Variants in C9orf43 observed in about 807,000 individuals in gnomAD.
C9orf43 encodes the protein uncharacterized protein C9orf43.
Under a neutral mutation model 59.1 loss-of-function variants are expected in C9orf43, and 45 were observed. That is an observed-to-expected ratio of 0.76 (90% confidence interval 0.60 to 0.98). The LOEUF (loss-of-function observed/expected upper bound fraction) is 0.98, where lower values mean the gene tolerates loss of function less well. Among genes scored for constraint, C9orf43 ranks in the 50% least tolerant of loss-of-function variants. C9orf43 has a pLI of 0.00. For missense variants in C9orf43, 533 were observed against 554.9 expected (o/e 0.96, Z 0.40); for synonymous variants, 203 against 196.8 (o/e 1.03, Z -0.26).
Position 113,410,953 on chromosome 9 carries a change from G to T in C9orf43, c.-98G>T, listed in dbSNP as rs1331146907. 1 of 986,228 alleles carries T rather than the reference G, an allele frequency of 1.0e-6. No individual in the cohort carries two copies. The highest frequency in any genetic ancestry group is 1.7e-5 in the African/African-American group (1 of 57,216). 61.1% of individuals were successfully genotyped at this position (986,228 alleles called of 1,614,324 possible). ...GCAGTCTTTTTCCATCTCTACCGAA[G>T]TTGATGTTCATTTTTAATCTTTTCG... On this transcript the variant is annotated 5_prime_UTR_variant, in exon 1 of 14. Transcript: ENST00000374165.
At position 113,425,054 on chromosome 9, in the gene C9orf43, A is replaced by C; in HGVS notation, c.843A>C (p.Lys281Asn). The change falls in exon 9 of 14, where the codon AAA (lysine) becomes AAC (asparagine). Residue 281 changes from lysine to asparagine, a missense_variant. By Grantham distance (94) the Lys-to-Asn change is moderately conservative. Transcript: ENST00000374165. ...PALRYPERLK[K>N]LHNLKTEGYR... ...TGCGATATCCTGAACGTTTGAAGAA[A>C]TTACATAACCTGAAGACAGAAGGTA... The C allele has an allele frequency of 6.2e-7, 1 of 1,613,324 alleles. No individual in the cohort carries two copies. Among genetic ancestry groups the C allele is most frequent in the Non-Finnish European group, 8.5e-7 (1 of 1,179,990 alleles).
At chr9:113,418,750 G>T (rs748532660) in intron 3 of C9orf43, among the ~76,000 whole-genome samples, 1 of 152,134 alleles carries the variant, frequency 6.6e-6, no homozygotes, top group Non-Finnish European at 1.5e-5. Flanking sequence ...ATATTCTATT[G>T]TATGTATATA....
intron 1 of C9orf43, 84 bp from the exon 2 acceptor site, chr9:113,413,361 T>G: frequency 7.8e-7 from 1 of 1,275,530 alleles, no homozygotes; most frequent in Non-Finnish European, 1.0e-6. Context: ...AATAGAAATA[T>G]TTTATACTGT....
intron 7 of C9orf43, 42 bp from the exon 8 acceptor site, chr9:113,424,124 A>G (rs781164565): frequency 6.5e-7 from 1 of 1,530,906 alleles, no homozygotes; most frequent in South Asian, 1.3e-5. Context: ...CTTTCCGGGA[A>G]GAGCTGTTGC....
intron 7 of C9orf43, 72 bp downstream of exon 7, chr9:113,423,570 G>A (rs1326109126): frequency 1.4e-6 from 2 of 1,447,632 alleles, no homozygotes; most frequent in South Asian, 1.3e-5. Flanking sequence ...GGTCTAAACA[G>A]TGTGCTTTTT....
Position 113,424,253 on chromosome 9 carries a change from G to C in C9orf43, c.744G>C (p.Lys248Asn). 1.2e-6 allele frequency: 2 copies of C among 1,613,958 alleles called. No individual in the cohort carries two copies. The highest frequency in any genetic ancestry group is 1.7e-6 in the Non-Finnish European group (2 of 1,179,952). Reference protein sequence around the residue: ...AMMKKNLPLEKNRPDSVISSK... With the variant: ...AMMKKNLPLENNRPDSVISSK... Reference sequence around the variant, plus strand: ...TGAAAAAGAATCTTCCCTTGGAAAAGAACCGACCTGACAGTGTGATTTCTT... The same window carrying C: ...TGAAAAAGAATCTTCCCTTGGAAAACAACCGACCTGACAGTGTGATTTCTT... Residue 248 changes from lysine to asparagine, a missense_variant, in exon 8 of 14, where the codon AAG becomes AAC. By Grantham distance (94) the Lys-to-Asn change is moderately conservative. Coordinates refer to ENST00000374165, the MANE Select transcript of C9orf43 (RefSeq NM_001278629.2).
In C9orf43 at chr9:113,411,011, CTGAG is replaced by C; in HGVS notation, c.-50+13_-50+16del. 2.0e-6 allele frequency: 2 copies of C among 985,430 alleles called. No homozygotes were observed. Among genetic ancestry groups the C allele is most frequent in the Non-Finnish European group, 1.2e-6 (1 of 829,956 alleles). The allele number at this position is 985,430 out of a possible 1,614,324, so 61.0% of individuals were successfully genotyped here. A position where few individuals can be genotyped will look rare whatever the true frequency, so the allele number is the denominator to read the frequency against. The stretch of plus-strand genomic sequence containing the variant: ...CGCTTTTGTAATAATGGTACTAAGA[CTGAG>C]TGTTATTTAGATTTTATTGTTGTTG... On this transcript the variant is annotated intron_variant, in intron 1 of 13. Transcript: ENST00000374165.
intron 3 of C9orf43, 42 bp from the exon 4 acceptor site, chr9:113,419,066 G>A (rs777657298): frequency 1.3e-6 from 2 of 1,511,994 alleles, no homozygotes; most frequent in Admixed American, 3.6e-5. Flanking sequence ...ATTCCAATAA[G>A]TCTTTTGTAT....
At chr9:113,416,942 G>A (rs1828381915) in intron 3 of C9orf43, among the ~76,000 whole-genome samples, 1 of 152,174 alleles carries the variant, frequency 6.6e-6, no homozygotes, top group African/African-American at 2.4e-5. Context: ...GGTCATTTGA[G>A]TTTAAGCTTA....
At chr9:113,411,092 T>C in intron 1 of C9orf43, 91 bp downstream of exon 1, 1 of 985,426 alleles carries the variant, frequency 1.0e-6, no homozygotes. Context: ...GCTGGCCATA[T>C]AGAGATGCGC....
chr9:113,421,809 G>T (rs1259258485), intron 5 of C9orf43, among the ~76,000 whole-genome samples: 1 of 152,082 alleles, frequency 6.6e-6, no homozygotes, highest in African/African-American at 2.4e-5. Flanking sequence ...AAATAATCCT[G>T]TGAGTGCTTC....
chr9:113,428,037 G>A, intron 11 of C9orf43, 110 bp from the exon 12 acceptor site: 1 of 1,040,062 alleles, frequency 9.6e-7, no homozygotes, highest in East Asian at 2.4e-5. Flanking sequence ...TCAAGGTCTT[G>A]TCTTTTCCTG....
At chr9:113,424,530 T>C (rs1216671671) in intron 8 of C9orf43, among the ~76,000 whole-genome samples, 2 of 151,056 alleles carry the variant, frequency 1.3e-5, no homozygotes, top group Non-Finnish European at 3.0e-5. Context: ...CTTTTTTTTT[T>C]TTTTTTCTTT....
intron 5 of C9orf43, 147 bp from the exon 6 acceptor site, chr9:113,422,402 T>C (rs1195451541): frequency 2.6e-6 from 3 of 1,158,840 alleles, no homozygotes; most frequent in Non-Finnish European, 3.6e-6. Flanking sequence ...CTTTGAGTAC[T>C]GATCAAAGAT....
chr9:113,414,626 G>T (rs1828293324), intron 3 of C9orf43, among the ~76,000 whole-genome samples: 1 of 152,062 alleles, frequency 6.6e-6, no homozygotes, highest in Admixed American at 6.6e-5. Flanking sequence ...CTGTGCGTCT[G>T]TGTCTTAATT....
At chr9:113,424,407 A>G in intron 8 of C9orf43, 91 bp downstream of exon 8, 1 of 1,378,870 alleles carries the variant, frequency 7.3e-7, no homozygotes, top group Non-Finnish European at 9.9e-7. Context: ...TCTATTCCTT[A>G]TCTCCCTTCT....
intron 13 of C9orf43, 37 bp downstream of exon 13, chr9:113,429,000 T>G: frequency 1.9e-6 from 3 of 1,578,518 alleles, no homozygotes; most frequent in Non-Finnish European, 2.6e-6. Flanking sequence ...AGTAAGTGAC[T>G]GAGGATAGGG....
At chr9:113,420,066 GGATTA>G (rs1435063707) in intron 4 of C9orf43, among the ~76,000 whole-genome samples, 1 of 151,976 alleles carries the variant, frequency 6.6e-6, no homozygotes, top group Non-Finnish European at 1.5e-5. Flanking sequence ...TAGAACAAGA[GGATTA>G]GATTAAATAA....
chr9:113,421,466 A>G (rs1828569819), intron 5 of C9orf43, among the ~76,000 whole-genome samples: 1 of 151,922 alleles, frequency 6.6e-6, no homozygotes, highest in African/African-American at 2.4e-5. Flanking sequence ...CAACTTACTT[A>G]TAAGGCTTGA....
Sources: gnomAD v4.1 joint callset for allele counts (sites outside exome capture counted in the v4.1 genomes callset) on GRCh38, gnomAD v4.1.1 for gene constraint, MANE v1.5 for transcripts, NCBI Gene and HGNC (gene_info 2026-07-23, HGNC 2026-07-21) for gene names.